GAN: variants seen among roughly 807,000 people sequenced by gnomAD.
GAN encodes the protein gigaxonin, also known as epididymis secretory sperm binding protein.
Under a neutral mutation model 71.3 loss-of-function variants are expected in GAN, and 48 were observed. The ratio of observed to expected loss-of-function variants is 0.67; its 90% CI spans 0.53 to 0.86. The LOEUF is 0.86. Ranked by LOEUF, GAN falls within the 40% of genes least tolerant of loss-of-function variation. The pLI is 0.00. For synonymous variants in GAN, 386 were observed against 276.8 expected, an observed-to-expected ratio of 1.39 and a Z score of -3.92; for missense variants, 928 against 770.1, an observed-to-expected ratio of 1.21 and a Z score of -2.43.
chr16:81,322,099 C>T (rs911852254), intron 1 of GAN, among the ~76,000 whole-genome samples: 1 of 152,166 alleles, frequency 6.6e-6, no homozygotes, highest in African/African-American at 2.4e-5. Context: ...GAATGATGGT[C>T]AGATGTTTGC....
intron 7 of GAN, 150 bp from the exon 8 acceptor site, chr16:81,364,824 G>A (rs1367783660): frequency 4.1e-5 from 32 of 789,772 alleles, no homozygotes; most frequent in Non-Finnish European, 7.1e-5. Flanking sequence ...AAAGTCCGGT[G>A]TTGTAATACT....
At chr16:81,328,527 C>G (rs1004185023) in intron 1 of GAN, among the ~76,000 whole-genome samples, 58 of 152,276 alleles carry the variant, frequency 3.8e-4, no homozygotes, top group African/African-American at 1.4e-3. Context: ...ACAGGTAAAC[C>G]TACTTTGGAG....
chr16:81,352,607 T>A (rs186904342), intron 2 of GAN, among the ~76,000 whole-genome samples: 24 of 152,352 alleles, frequency 1.6e-4, no homozygotes, highest in Admixed American at 9.8e-4. Flanking sequence ...CTTACATATT[T>A]TCTAAGTATT....
chr16:81,326,917 G>A (rs1232279950), intron 1 of GAN, among the ~76,000 whole-genome samples: 2 of 152,228 alleles, frequency 1.3e-5, no homozygotes, highest in Non-Finnish European at 2.9e-5. Flanking sequence ...TGCCGAAAAA[G>A]TAAAAGGTCA....
chr16:81,320,189 A>T (rs925896914), intron 1 of GAN, among the ~76,000 whole-genome samples: 1 of 152,230 alleles, frequency 6.6e-6, no homozygotes, highest in African/African-American at 2.4e-5. Flanking sequence ...TGATGAAACT[A>T]CTTAAGGAGA....
At position 81,351,632 on chromosome 16, in the gene GAN, A is replaced by G. The variant is rs749797346; in HGVS notation, c.217A>G (p.Ile73Val). The change falls in exon 2 of 11, where the codon ATT becomes GTT. Residue 73 changes from isoleucine (I) to valine (V), a missense_variant. Physicochemically the swap from Ile to Val is conservative, Grantham distance 29. Transcript: ENST00000648994. ...PPKDDGSTYKIELEGISVMVM... is the reference protein window; with the variant it reads ...PPKDDGSTYKVELEGISVMVM... ...AAAAGATGATGGATCAACTTATAAG[A>G]TTGAACTTGAAGGGATATCGGTAAT... The G allele has an allele frequency of 6.4e-7, 1 of 1,569,136 alleles. No individual in the cohort carries two copies. Among genetic ancestry groups the G allele is most frequent in the Non-Finnish European group, 8.8e-7 (1 of 1,138,926 alleles).
intron 1 of GAN, among the ~76,000 whole-genome samples, chr16:81,341,195 A>G (rs1380858616): frequency 2.6e-5 from 4 of 152,204 alleles, no homozygotes; most frequent in Admixed American, 1.3e-4. Flanking sequence ...GATGGGGAGA[A>G]TGGAACCAAG....
At position 81,363,852 on chromosome 16, in the gene GAN, A is replaced by G. The variant is rs1328092753; in HGVS notation, c.1145A>G (p.Glu382Gly). The part of the protein sequence containing the change: ...IDGMLYILGG[E>G]DGEKELISME... ...GGGATGCTGTACATTTTGGGAGGAG[A>G]GGATGGTGAAAAGGAGCTGATTTCC... The change falls in exon 7 of 11, where the codon GAG becomes GGG. Residue 382 changes from glutamate (E) to glycine (G), a missense_variant. Glu to Gly is a moderately conservative substitution (Grantham distance 98). Transcript: ENST00000648994. 6.2e-7 allele frequency: 1 copy of G among 1,611,794 alleles called. No individual in the cohort carries two copies. Among genetic ancestry groups the G allele is most frequent in the Non-Finnish European group, 8.5e-7 (1 of 1,177,874 alleles).
At chr16:81,369,606 T>C (rs977942966) in intron 9 of GAN, among the ~76,000 whole-genome samples, 1 of 152,264 alleles carries the variant, frequency 6.6e-6, no homozygotes, top group African/African-American at 2.4e-5. Context: ...TTTTGCTTTT[T>C]TTTGAGACGG....
At chr16:81,318,748 TATAAAAG>T (rs1315862863) in intron 1 of GAN, among the ~76,000 whole-genome samples, 1 of 152,152 alleles carries the variant, frequency 6.6e-6, no homozygotes, top group Non-Finnish European at 1.5e-5. Flanking sequence ...AGATTTTAAA[TATAAAAG>T]GAAAAGGCCA....
At chr16:81,343,044 C>G (rs926334145) in intron 1 of GAN, among the ~76,000 whole-genome samples, 1 of 152,158 alleles carries the variant, frequency 6.6e-6, no homozygotes, top group Non-Finnish European at 1.5e-5. Context: ...TGGATAAATT[C>G]CTGGACACAT....
rs564593388 is a variant in GAN, at chr16:81,319,049, C to T, written c.167+3769C>T. Among the ~76,000 whole-genome samples the T allele has an allele frequency of 2.0e-5, 3 of 152,140 alleles. No individual in the cohort carries two copies. The East Asian group carries it at 5.8e-4, about 29-fold the overall frequency. On this transcript the variant is annotated intron_variant, in intron 1 of 10. Transcript: ENST00000648994. ...GTAGTTGACAGGCTGGGCGCAGTGG[C>T]TCATGGCTGTAATTACAGCACTTCG... is the stretch of plus-strand genomic sequence containing the variant.
rs979876748 is a variant in GAN, at chr16:81,381,375, T to A, written c.*3779T>A. 6.6e-6 allele frequency: 1 copy of A among 152,134 alleles called. No homozygotes were observed. Among genetic ancestry groups the A allele is most frequent in the Non-Finnish European group, 1.5e-5 (1 of 68,028 alleles). The allele number at this position is 152,134 out of a possible 1,614,324, so 9.4% of individuals were successfully genotyped here. A position where few individuals can be genotyped will look rare whatever the true frequency, so the allele number is the denominator to read the frequency against. ...GGTCAGATGAAGACCTTTGGTTAAA[T>A]GGGGGAAGAATGAGGTGGCGCTTTG... On this transcript the variant is annotated 3_prime_UTR_variant, in exon 11 of 11. Transcript: ENST00000648994.
At chr16:81,343,475 A>G (rs549546068) in intron 1 of GAN, among the ~76,000 whole-genome samples, 32 of 152,348 alleles carry the variant, frequency 2.1e-4, no homozygotes, top group Non-Finnish European at 3.2e-4. Flanking sequence ...ATGCAAATCA[A>G]TAAACATAAT....
chr16:81,354,546 C>G lies in GAN; in HGVS notation c.424C>G (p.Leu142Val). The G allele has an allele frequency of 1.9e-6, 3 of 1,614,044 alleles. No homozygotes were observed. The highest frequency in any genetic ancestry group is 2.5e-6 in the Non-Finnish European group (3 of 1,179,902). ...ENCIGIRDFA[L>V]HYCLHHVHYL... The stretch of plus-strand genomic sequence containing the variant: ...CTGTATTGGTATCCGTGACTTTGCA[C>G]TACATTACTGCCTCCATCACGTTCA... Residue 142 changes from leucine to valine, a missense_variant, in exon 3 of 11, where the codon CTA becomes GTA. Physicochemically the swap from Leu to Val is conservative, Grantham distance 32 (BLOSUM62 1). Coordinates refer to ENST00000648994, the MANE Select transcript of GAN (RefSeq NM_022041.4).
chr16:81,349,246 G>T (rs1226922338), intron 1 of GAN, among the ~76,000 whole-genome samples: 1 of 152,126 alleles, frequency 6.6e-6, no homozygotes, highest in Admixed American at 6.5e-5. Context: ...GAGCCTTTGG[G>T]AAGTCTTCAG....
At chr16:81,375,243 G>T (rs1265952576) in intron 9 of GAN, among the ~76,000 whole-genome samples, 2 of 144,576 alleles carry the variant, frequency 1.4e-5, no homozygotes, top group African/African-American at 5.1e-5. Flanking sequence ...AGGATATAAA[G>T]AATCTGACAA....
At chr16:81,374,937 G>A (rs1567500165) in intron 9 of GAN, among the ~76,000 whole-genome samples, 1 of 152,202 alleles carries the variant, frequency 6.6e-6, no homozygotes, top group African/African-American at 2.4e-5. Flanking sequence ...AGTGAACTGT[G>A]ATTCATGTCA....
At chr16:81,359,330 C>T (rs1044828337) in intron 5 of GAN, among the ~76,000 whole-genome samples, 3 of 151,118 alleles carry the variant, frequency 2.0e-5, no homozygotes, top group African/African-American at 7.3e-5. Context: ...ATGGAAGGAG[C>T]GACTGTGTAC....
Sources: gnomAD v4.1 joint callset for allele counts (sites outside exome capture counted in the v4.1 genomes callset) on GRCh38, gnomAD v4.1.1 for gene constraint, MANE v1.5 for transcripts, NCBI Gene and HGNC (gene_info 2026-07-23, HGNC 2026-07-21) for gene names.